POU6F2: variants seen among roughly 807,000 people sequenced by gnomAD.
POU6F2 encodes the protein POU class 6 homeobox 2.
Under a neutral mutation model 71.3 loss-of-function variants are expected in POU6F2, and 31 were observed. The ratio of observed to expected loss-of-function variants is 0.43; its 90% CI spans 0.33 to 0.59. POU6F2 has a LOEUF of 0.59. Ranked by LOEUF, POU6F2 falls within the 20% of genes least tolerant of loss-of-function variation. The pLI, the probability that POU6F2 is intolerant of heterozygous loss-of-function variation, is 0.04. For missense variants in POU6F2, 783 were observed against 856.8 expected (o/e 0.91, Z 1.07); for synonymous variants, 347 against 355.7 (o/e 0.98, Z 0.27).
At chr7:39,162,107 T>C (rs984948426) in intron 2 of POU6F2, among the ~76,000 whole-genome samples, 1 of 152,040 alleles carries the variant, frequency 6.6e-6, no homozygotes, top group Non-Finnish European at 1.5e-5. Flanking sequence ...TTATAGGACA[T>C]GTGGTCAGGG....
At chr7:39,295,397 C>T (rs953916034) in intron 4 of POU6F2, among the ~76,000 whole-genome samples, 5 of 152,148 alleles carry the variant, frequency 3.3e-5, no homozygotes, top group Non-Finnish European at 7.3e-5. Flanking sequence ...GGGCAGATCA[C>T]TTGAGGTCAG....
chr7:39,062,907 G>A (rs1358447394), intron 1 of POU6F2, among the ~76,000 whole-genome samples: 1 of 151,568 alleles, frequency 6.6e-6, no homozygotes, highest in Non-Finnish European at 1.5e-5. Context: ...GGAGGAGTGG[G>A]GAGAATAAGA....
intron 4 of POU6F2, among the ~76,000 whole-genome samples, chr7:39,208,978 A>G (rs1035411112): frequency 1.3e-5 from 2 of 152,182 alleles, no homozygotes; most frequent in Non-Finnish European, 2.9e-5. Context: ...AATATTATAA[A>G]TAAACATAAG....
At chr7:39,039,591 A>C (rs1182327599) in intron 1 of POU6F2, among the ~76,000 whole-genome samples, 1 of 151,934 alleles carries the variant, frequency 6.6e-6, no homozygotes, top group Non-Finnish European at 1.5e-5. Flanking sequence ...ATTTCAATGG[A>C]TATTGGAACT....
intron 4 of POU6F2, among the ~76,000 whole-genome samples, 167 bp from the exon 5 acceptor site, chr7:39,339,475 G>T (rs1476699868): frequency 6.6e-6 from 1 of 152,132 alleles, no homozygotes; most frequent in Non-Finnish European, 1.5e-5. Flanking sequence ...AGTGACCTTT[G>T]TTCTCCCAGT....
chr7:39,051,533 A>G (rs1790400265), intron 1 of POU6F2, among the ~76,000 whole-genome samples: 2 of 152,052 alleles, frequency 1.3e-5, no homozygotes, highest in Non-Finnish European at 2.9e-5. Context: ...TTTCACATAT[A>G]CTCTACAGAA....
At chr7:39,152,969 C>A (rs1456486357) in intron 2 of POU6F2, among the ~76,000 whole-genome samples, 1 of 152,168 alleles carries the variant, frequency 6.6e-6, no homozygotes, top group Non-Finnish European at 1.5e-5. Flanking sequence ...TGTTCCCAGG[C>A]TGCCTGTCAC....
chr7:39,458,676 C>T (rs1297566570), intron 8 of POU6F2, among the ~76,000 whole-genome samples: 2 of 152,156 alleles, frequency 1.3e-5, no homozygotes, highest in African/African-American at 4.8e-5. Flanking sequence ...AACAGGACTT[C>T]CATTCATCTT....
At chr7:39,452,515 C>A (rs1788685351) in intron 8 of POU6F2, among the ~76,000 whole-genome samples, 2 of 152,186 alleles carry the variant, frequency 1.3e-5, no homozygotes, top group African/African-American at 2.4e-5. Flanking sequence ...TGGGTGCCTG[C>A]ATAGGCATCT....
chr7:39,427,607 A>G (rs1181332710), intron 6 of POU6F2, among the ~76,000 whole-genome samples: 1 of 152,190 alleles, frequency 6.6e-6, no homozygotes, highest in African/African-American at 2.4e-5. Context: ...TCAAGAATGG[A>G]CAGAATGATG....
chr7:39,129,830 G>A (rs1051746790), intron 2 of POU6F2, among the ~76,000 whole-genome samples: 2 of 152,020 alleles, frequency 1.3e-5, no homozygotes, highest in South Asian at 2.1e-4. Flanking sequence ...TTGGGAGGCC[G>A]AGGCGGGCAG....
At chr7:39,444,119 A>T (rs1332119925) in intron 7 of POU6F2, among the ~76,000 whole-genome samples, 1 of 152,214 alleles carries the variant, frequency 6.6e-6, no homozygotes, top group Admixed American at 6.5e-5. Context: ...TATCCAACAC[A>T]CTGATGATGA....
intron 5 of POU6F2, among the ~76,000 whole-genome samples, chr7:39,341,884 C>T (rs1233627562): frequency 6.6e-6 from 1 of 152,194 alleles, no homozygotes; most frequent in African/African-American, 2.4e-5. Context: ...CACGCAGCCT[C>T]ATGAAAATAA....
rs144000086 is a variant in POU6F2 at position 39,450,203 on chromosome 7, G to T, written c.1321-1330G>T. ...AAACACCCCAGGCTGGCTCTTAGGT[G>T]CTAACAAGGTGGTAGTCCTTCTCAG... On this transcript the variant is annotated intron_variant, in intron 7 of 9. Coordinates refer to ENST00000518318, the MANE Select transcript of POU6F2 (RefSeq NM_001370959.1). Among the ~76,000 whole-genome samples the T allele has an allele frequency of 2.3e-3, 350 of 152,312 alleles. 4 individuals carry two copies. The highest frequency in any genetic ancestry group is 7.6e-3 in the African/African-American group (316 of 41,568).
chr7:39,413,962 G>C (rs1376383395), intron 6 of POU6F2, among the ~76,000 whole-genome samples: 1 of 152,104 alleles, frequency 6.6e-6, no homozygotes, highest in Non-Finnish European at 1.5e-5. Context: ...CACAAACGAC[G>C]GTCCCCTGGT....
At chr7:39,422,126 C>T (rs1013351589) in intron 6 of POU6F2, among the ~76,000 whole-genome samples, 2 of 152,052 alleles carry the variant, frequency 1.3e-5, no homozygotes, top group Non-Finnish European at 1.5e-5. Flanking sequence ...TTTGTAGTCA[C>T]TGGGGAAAAA....
At chr7:39,038,870 T>TA (rs1309407084) in intron 1 of POU6F2, among the ~76,000 whole-genome samples, 1 of 151,946 alleles carries the variant, frequency 6.6e-6, no homozygotes, top group African/African-American at 2.4e-5. Context: ...AGCTTCTTCT[T>TA]ACCCCAGTAT....
intron 2 of POU6F2, among the ~76,000 whole-genome samples, chr7:39,155,524 AC>A (rs1040057319): frequency 2.6e-5 from 4 of 152,214 alleles, no homozygotes; most frequent in Non-Finnish European, 5.9e-5. Context: ...GAAAAACTCA[AC>A]TTGCAAATCA....
In POU6F2 at chr7:39,460,283, C is replaced by T. The variant is rs892856785; in HGVS notation, c.1490-264C>T. On this transcript the variant is annotated intron_variant, in intron 8 of 9. Coordinates refer to ENST00000518318, the MANE Select transcript of POU6F2 (RefSeq NM_001370959.1). The surrounding 1 kb of genome is among the most constrained non-coding windows in gnomAD (Gnocchi z 4.4). ...TATTTGTTAAGCCCTAAGGAACATGCTCTGGCATTGGGGAAGTGGCAGTGT... is the reference window on the plus strand; with the variant it reads ...TATTTGTTAAGCCCTAAGGAACATGTTCTGGCATTGGGGAAGTGGCAGTGT... Among the ~76,000 whole-genome samples, 1 of 152,194 alleles carries T rather than the reference C, an allele frequency of 6.6e-6. No homozygotes were observed. The highest frequency in any genetic ancestry group is 2.4e-5 in the African/African-American group (1 of 41,440).
Sources: gnomAD v4.1 joint callset for allele counts (sites outside exome capture counted in the v4.1 genomes callset) on GRCh38, gnomAD v4.1.1 for gene constraint, Gnocchi (gnomAD v3.1) non-coding constraint, MANE v1.5 for transcripts, NCBI Gene and HGNC (gene_info 2026-07-23, HGNC 2026-07-21) for gene names.